GAREM1: variants seen among roughly 807,000 people sequenced by gnomAD.
GAREM1 encodes the protein GRB2 associated regulator of MAPK1 subtype 1, also known as GRB2-associated and regulator of MAPK protein 1.
A neutral mutation model predicts 71.3 loss-of-function variants in GAREM1; 26 were observed. That is an observed-to-expected ratio of 0.36 (90% confidence interval 0.27 to 0.51). The LOEUF (loss-of-function observed/expected upper bound fraction) is 0.51, where lower values mean the gene tolerates loss of function less well. Among genes scored for constraint, GAREM1 ranks in the 20% least tolerant of loss-of-function variants. The pLI is 0.95. For missense variants in GAREM1, 1,026 were observed against 1,103.1 expected, an observed-to-expected ratio of 0.93 and a Z score of 0.99; for synonymous variants, 440 against 433.2, an observed-to-expected ratio of 1.02 and a Z score of -0.20.
intron 1 of GAREM1, among the ~76,000 whole-genome samples, chr18:32,419,668 C>A (rs1207659938): frequency 2.0e-5 from 3 of 151,884 alleles, no homozygotes; most frequent in Admixed American, 1.3e-4. Context: ...AATTAGGGAC[C>A]CTAAAAATTA....
intron 1 of GAREM1, among the ~76,000 whole-genome samples, chr18:32,396,527 G>T (rs535234678): frequency 3.3e-5 from 5 of 152,204 alleles, no homozygotes; most frequent in African/African-American, 1.2e-4. Flanking sequence ...TTCAGTAGCC[G>T]ATGCGATCAA....
chr18:32,308,948 G>A (rs145894893), intron 3 of GAREM1, among the ~76,000 whole-genome samples: 1 of 150,136 alleles, frequency 6.7e-6, no homozygotes, highest in African/African-American at 2.5e-5. Flanking sequence ...TTCCTGAAGA[G>A]TGTGGGTGGA....
intron 4 of GAREM1, among the ~76,000 whole-genome samples, chr18:32,285,811 A>G (rs955786012): frequency 3.3e-5 from 5 of 152,172 alleles, no homozygotes; most frequent in African/African-American, 9.7e-5. Context: ...TGATGATTGT[A>G]TTTCTAGCAT....
intron 2 of GAREM1, among the ~76,000 whole-genome samples, chr18:32,353,018 A>G (rs2047767127): frequency 6.6e-6 from 1 of 152,210 alleles, no homozygotes; most frequent in East Asian, 1.9e-4. Context: ...TTCAATTACA[A>G]ATTTCCATAC....
chr18:32,414,723 G>A (rs1265023852), intron 1 of GAREM1, among the ~76,000 whole-genome samples: 1 of 151,986 alleles, frequency 6.6e-6, no homozygotes, highest in Non-Finnish European at 1.5e-5. Flanking sequence ...CAAAAGCAGT[G>A]TTAAAAGGGA....
chr18:32,315,842 A>G (rs55793567), intron 2 of GAREM1, among the ~76,000 whole-genome samples: 5 of 152,188 alleles, frequency 3.3e-5, no homozygotes, highest in Non-Finnish European at 7.4e-5. Context: ...TGTAATTCCT[A>G]TTTTCCTTTT....
chr18:32,294,727 G>A (rs1161670673), intron 3 of GAREM1, among the ~76,000 whole-genome samples: 1 of 151,870 alleles, frequency 6.6e-6, no homozygotes, highest in Admixed American at 6.6e-5. Context: ...GTGTCTTACT[G>A]TAAGGTTTTT....
intron 1 of GAREM1, among the ~76,000 whole-genome samples, chr18:32,411,041 G>T (rs928745820): frequency 6.6e-6 from 1 of 152,174 alleles, no homozygotes; most frequent in Non-Finnish European, 1.5e-5. Flanking sequence ...GACCTCAAGT[G>T]ATCTGCCCAC....
chr18:32,289,590 T>C (rs2047059498), intron 3 of GAREM1, among the ~76,000 whole-genome samples: 3 of 152,216 alleles, frequency 2.0e-5, no homozygotes, highest in Admixed American at 6.5e-5. Context: ...ATGTAGTCAA[T>C]ATTTTCAAAA....
intron 1 of GAREM1, chr18:32,412,467 T>C: frequency 1.3e-6 from 2 of 1,591,934 alleles, no homozygotes; most frequent in South Asian, 1.1e-5. Flanking sequence ...ACTGCCACCA[T>C]ATCTACCACC....
chr18:32,416,848 C>T (rs180994581), intron 1 of GAREM1, among the ~76,000 whole-genome samples: 1 of 152,148 alleles, frequency 6.6e-6, no homozygotes, highest in East Asian at 1.9e-4. Flanking sequence ...GCACCGGCAA[C>T]CAAAGCAAAA....
intron 4 of GAREM1, among the ~76,000 whole-genome samples, chr18:32,274,725 G>A (rs1007832735): frequency 5.3e-5 from 8 of 152,014 alleles, no homozygotes; most frequent in Admixed American, 5.2e-4. Flanking sequence ...AGTTTTTACT[G>A]CCCACCACAC....
At chr18:32,460,180 C>G (rs1301504978) in intron 1 of GAREM1, among the ~76,000 whole-genome samples, 5 of 145,836 alleles carry the variant, frequency 3.4e-5, no homozygotes, top group Non-Finnish European at 6.1e-5. Flanking sequence ...GAAAAAACAA[C>G]AACAGAACAC....
chr18:32,366,810 A>G (rs1437840580), intron 2 of GAREM1, among the ~76,000 whole-genome samples: 1 of 152,228 alleles, frequency 6.6e-6, no homozygotes, highest in Non-Finnish European at 1.5e-5. Context: ...TTAGTTGTTG[A>G]GAAAGTCCTG....
chr18:32,271,147 C>T (rs117065006), intron 4 of GAREM1, among the ~76,000 whole-genome samples: 1,542 of 152,130 alleles, frequency 0.01, 24 homozygotes, highest in Non-Finnish European at 0.015. Context: ...GGATTATAGG[C>T]ATGAGCCACC....
At chr18:32,336,690 C>T (rs1392287130) in intron 2 of GAREM1, among the ~76,000 whole-genome samples, 3 of 152,298 alleles carry the variant, frequency 2.0e-5, no homozygotes, top group South Asian at 4.1e-4. Context: ...TTATTCCCCA[C>T]TCAAACACTC....
intron 2 of GAREM1, among the ~76,000 whole-genome samples, chr18:32,389,843 C>G (rs1440859023): frequency 6.6e-6 from 1 of 152,052 alleles, no homozygotes; most frequent in Admixed American, 6.6e-5. Context: ...TCAATCATAT[C>G]AAGACTCCTG....
chr18:32,449,294 T>TACTTTTA (rs1418590629), intron 1 of GAREM1, among the ~76,000 whole-genome samples: 1 of 152,228 alleles, frequency 6.6e-6, no homozygotes, highest in Non-Finnish European at 1.5e-5. Flanking sequence ...ATGGAAGAGT[T>TACTTTTA]ACTTTTAACA....
At chr18:32,333,220 G>A (rs1419246919) in intron 2 of GAREM1, among the ~76,000 whole-genome samples, 1 of 151,306 alleles carries the variant, frequency 6.6e-6, no homozygotes, top group African/African-American at 2.4e-5. Flanking sequence ...AGGAGGAGGT[G>A]GAAGAGAGAC....
Sources: allele counts gnomAD v4.1 joint callset (sites outside exome capture counted in the v4.1 genomes callset), GRCh38; gene constraint gnomAD v4.1.1; transcripts MANE v1.5; gene names NCBI Gene and HGNC (gene_info 2026-07-23, HGNC 2026-07-21).